GALNT17: variants seen among roughly 807,000 people sequenced by gnomAD.
GALNT17 encodes the protein UDP-GalNAc:polypeptide N-acetylgalactosaminyltransferase-like 3.
Under a neutral mutation model 63.7 loss-of-function variants are expected in GALNT17, and 29 were observed. That is an observed-to-expected ratio of 0.46 (90% CI 0.34 to 0.62). GALNT17 has a LOEUF of 0.62. Among genes scored for constraint, GALNT17 ranks in the 20% least tolerant of loss-of-function variants. The pLI is 0.01. For missense variants in GALNT17, 603 were observed against 799.6 expected (o/e 0.75, Z 2.97); for synonymous variants, 305 against 318.3 (o/e 0.96, Z 0.45).
chr7:71,611,618 C>G (rs1356227934), intron 6 of GALNT17, among the ~76,000 whole-genome samples: 1 of 152,054 alleles, frequency 6.6e-6, no homozygotes, highest in East Asian at 1.9e-4. Context: ...ACAAAGAACT[C>G]TTGTCACGGT....
intron 6 of GALNT17, among the ~76,000 whole-genome samples, chr7:71,650,440 G>A (rs1790737986): frequency 6.6e-6 from 1 of 152,138 alleles, no homozygotes; most frequent in Non-Finnish European, 1.5e-5. Flanking sequence ...GTAGAGACAA[G>A]GTTTTGTCAT....
intron 1 of GALNT17, among the ~76,000 whole-genome samples, chr7:71,326,160 G>A (rs1325124201): frequency 1.3e-5 from 2 of 152,098 alleles, no homozygotes; most frequent in Non-Finnish European, 2.9e-5. Context: ...TGAAACCTAT[G>A]TATTAAAAAG....
At chr7:71,618,276 C>T (rs1384141545) in intron 6 of GALNT17, among the ~76,000 whole-genome samples, 2 of 152,128 alleles carry the variant, frequency 1.3e-5, no homozygotes, top group Non-Finnish European at 2.9e-5. Flanking sequence ...GATGAACATA[C>T]GAGTGCAGGT....
At chr7:71,262,050 G>A (rs1790394726) in intron 1 of GALNT17, among the ~76,000 whole-genome samples, 1 of 152,158 alleles carries the variant, frequency 6.6e-6, no homozygotes, top group South Asian at 2.1e-4. Flanking sequence ...CGTGATGATG[G>A]TGATGGTGAA....
chr7:71,665,427 G>A lies in GALNT17; in HGVS notation c.1097G>A (p.Gly366Asp), dbSNP rs1471214711. The A allele has an allele frequency of 6.2e-7, 1 of 1,610,920 alleles. No homozygotes were observed. Among genetic ancestry groups the A allele is most frequent in the Non-Finnish European group, 8.5e-7 (1 of 1,179,484 alleles). The change falls in exon 7 of 11, where the codon GGC (glycine) becomes GAC (aspartate). Residue 366 changes from glycine (G) to aspartate (D), a missense_variant. This residue lies in a region of GALNT17 where 336 missense variants were observed against 507.8 expected (regional missense o/e 0.66). Coordinates refer to ENST00000333538, the MANE Select transcript of GALNT17 (RefSeq NM_022479.3). Reference sequence around the variant, plus strand: ...TACCCCTAGGTATGGCTCTGTGGGGGCAGCATGGAGGTCCTTCCTTGCTCA... The same window carrying A: ...TACCCCTAGGTATGGCTCTGTGGGGACAGCATGGAGGTCCTTCCTTGCTCA... ...ELGIKVWLCG[G>D]SMEVLPCSRV...
Position 71,677,960 on chromosome 7 carries a change from A to C in GALNT17, c.1500+654A>C, listed in dbSNP as rs188112008. 1.5e-4 allele frequency among the ~76,000 whole-genome samples: 23 copies of C among 152,202 alleles called. No individual in the cohort carries two copies. In the East Asian group the frequency reaches 3.7e-3, roughly 24 times the overall value. ...CTAAGGTGGGTGAGCAATGCCAGAC[A>C]GGTTACTGTTCAAATCCTCAGCCCT... On this transcript the variant is annotated intron_variant, in intron 9 of 10. Transcript: ENST00000333538.
Position 71,209,736 on chromosome 7 carries a change from A to T in GALNT17, c.238+76696A>T, listed in dbSNP as rs111372160. Among the ~76,000 whole-genome samples, 1,478 of 152,138 alleles carry T rather than the reference A, an allele frequency of 9.7e-3. 23 individuals are homozygous for T. Among genetic ancestry groups the T allele is most frequent in the African/African-American group, 0.034 (1,412 of 41,498 alleles). On this transcript the variant is annotated intron_variant, in intron 1 of 10. Coordinates refer to ENST00000333538, the MANE Select transcript of GALNT17 (RefSeq NM_022479.3). The stretch of plus-strand genomic sequence containing the variant: ...GTCCGTTTTCATGCTGCTGATAAGG[A>T]CATACCCGAGACTGGGAAGAAAAAG...
At chr7:71,170,275 A>T (rs1283093189) in intron 1 of GALNT17, among the ~76,000 whole-genome samples, 4 of 151,852 alleles carry the variant, frequency 2.6e-5, no homozygotes, top group Non-Finnish European at 5.9e-5. Flanking sequence ...CCCTTCAAAG[A>T]TGTAGATCGA....
At chr7:71,683,046 G>A (rs941187213) in intron 9 of GALNT17, among the ~76,000 whole-genome samples, 5 of 152,020 alleles carry the variant, frequency 3.3e-5, no homozygotes, top group East Asian at 3.9e-4. Context: ...TTCCACCTGC[G>A]TGCGGAACTT....
At chr7:71,349,714 G>A (rs80272154) in intron 2 of GALNT17, among the ~76,000 whole-genome samples, 23,693 of 152,130 alleles carry the variant, frequency 0.16, 2,108 homozygotes, top group South Asian at 0.29. Context: ...TTAATGGTAC[G>A]TGCCCCAATG....
intron 1 of GALNT17, among the ~76,000 whole-genome samples, chr7:71,276,720 G>A (rs923581404): frequency 5.3e-5 from 8 of 152,132 alleles, no homozygotes; most frequent in East Asian, 1.9e-4. Context: ...CCAGTCGGCC[G>A]GGTATGGTTG....
intron 5 of GALNT17, among the ~76,000 whole-genome samples, chr7:71,422,401 C>G (rs756427935): frequency 3.7e-4 from 57 of 152,342 alleles, no homozygotes; most frequent in South Asian, 1.7e-3. Context: ...CTTAACTTAA[C>G]AACATCTGCA....
At chr7:71,300,549 T>C (rs989946240) in intron 1 of GALNT17, 2 of 380,034 alleles carry the variant, frequency 5.3e-6, no homozygotes, top group African/African-American at 2.1e-5. Flanking sequence ...CTGTTCTTCC[T>C]AGCTTGGAAA....
chr7:71,218,088 G>A (rs571986243), intron 1 of GALNT17, among the ~76,000 whole-genome samples: 1 of 152,154 alleles, frequency 6.6e-6, no homozygotes, highest in African/African-American at 2.4e-5. Flanking sequence ...AAATGTATAA[G>A]TTTTATGGCT....
intron 5 of GALNT17, among the ~76,000 whole-genome samples, chr7:71,522,531 A>G (rs896386045): frequency 2.0e-5 from 3 of 152,182 alleles, no homozygotes; most frequent in African/African-American, 7.2e-5. Flanking sequence ...TTATCAAACC[A>G]TCAGATCTTG....
chr7:71,180,651 C>G (rs975230283), intron 1 of GALNT17, among the ~76,000 whole-genome samples: 1 of 152,126 alleles, frequency 6.6e-6, no homozygotes, highest in Non-Finnish European at 1.5e-5. Context: ...TTCATGTTAC[C>G]TTACACCACT....
chr7:71,544,618 A>T (rs1788951456), intron 5 of GALNT17, among the ~76,000 whole-genome samples: 1 of 152,158 alleles, frequency 6.6e-6, no homozygotes, highest in African/African-American at 2.4e-5. Context: ...AAAGCCCAGG[A>T]TAGAAAATAG....
At chr7:71,246,115 G>GTT (rs61447370) in intron 1 of GALNT17, among the ~76,000 whole-genome samples, 3,054 of 91,706 alleles carry the variant, frequency 0.033, 149 homozygotes, top group African/African-American at 0.074. Context: ...TTTTTTCGTT[G>GTT]TTTTTTTTTT....
intron 5 of GALNT17, among the ~76,000 whole-genome samples, chr7:71,523,014 T>C (rs1363099353): frequency 6.6e-6 from 1 of 152,156 alleles, no homozygotes; most frequent in Non-Finnish European, 1.5e-5. Context: ...AAGACCATCC[T>C]GGGCAATGTA....
Sources: gnomAD v4.1 joint callset for allele counts (sites outside exome capture counted in the v4.1 genomes callset) on GRCh38, gnomAD v4.1.1 for gene constraint, gnomAD v4.1.1 regional missense constraint, MANE v1.5 for transcripts, NCBI Gene and HGNC (gene_info 2026-07-23, HGNC 2026-07-21) for gene names.